LDAH: variants seen among roughly 807,000 people sequenced by gnomAD.
LDAH encodes the protein lipid droplet-associated hydrolase.
Under a neutral mutation model 29.6 loss-of-function variants are expected in LDAH, and 26 were observed. The observed-to-expected ratio is 0.88, with a 90% CI of 0.64 to 1.22. The LOEUF (loss-of-function observed/expected upper bound fraction) is 1.22, where lower values mean the gene tolerates loss of function less well. Among genes scored for constraint, LDAH ranks in the 50% most tolerant of loss-of-function variants. The pLI is 0.00. For synonymous variants in LDAH, 117 were observed against 133.0 expected, an observed-to-expected ratio of 0.88 and a Z score of 0.83; for missense variants, 344 against 387.3, an observed-to-expected ratio of 0.89 and a Z score of 0.94.
intron 4 of LDAH, among the ~76,000 whole-genome samples, chr2:20,753,178 A>C (rs1025676909): frequency 1.3e-5 from 2 of 152,212 alleles, no homozygotes; most frequent in African/African-American, 2.4e-5. Context: ...CTCTGTGACT[A>C]TTATTTCTCT....
chr2:20,751,415 T>C lies in LDAH; in HGVS notation c.469-11210A>G, dbSNP rs117638883. 1.2e-3 allele frequency among the ~76,000 whole-genome samples: 182 copies of C among 152,352 alleles called. No individual in the cohort carries two copies. In the East Asian group the frequency reaches 0.027, roughly 23 times the overall value. On this transcript the variant is annotated intron_variant, in intron 4 of 6. Transcript: ENST00000237822. ...TAAAATATGTGGTTTCAGACTTTTATTGTAAGGTAAAAATGTTTCCTTCCT... is the reference window on the plus strand; with the variant it reads ...TAAAATATGTGGTTTCAGACTTTTACTGTAAGGTAAAAATGTTTCCTTCCT...
chr2:20,799,708 T>C (rs774988438), intron 2 of LDAH, among the ~76,000 whole-genome samples: 3 of 152,314 alleles, frequency 2.0e-5, no homozygotes, highest in African/African-American at 7.2e-5. Context: ...TTAGTATCTA[T>C]CATTATACTC....
At chr2:20,808,913 T>C (rs1558499662) in intron 1 of LDAH, among the ~76,000 whole-genome samples, 1 of 152,170 alleles carries the variant, frequency 6.6e-6, no homozygotes, top group Non-Finnish European at 1.5e-5. Context: ...TGGATATCCA[T>C]GTGGAAAATA....
At chr2:20,819,541 A>G (rs557433647) in intron 1 of LDAH, among the ~76,000 whole-genome samples, 1 of 152,362 alleles carries the variant, frequency 6.6e-6, no homozygotes, top group South Asian at 2.1e-4. Context: ...CAATAGATGC[A>G]GAAAAGGCCT....
At chr2:20,700,155 T>G (rs565686817) in intron 6 of LDAH, among the ~76,000 whole-genome samples, 1 of 152,194 alleles carries the variant, frequency 6.6e-6, no homozygotes, top group African/African-American at 2.4e-5. Context: ...TAAAATACTG[T>G]TTTTCTTGTA....
At chr2:20,802,261 T>C (rs1436395898) in intron 1 of LDAH, among the ~76,000 whole-genome samples, 1 of 152,146 alleles carries the variant, frequency 6.6e-6, no homozygotes, top group African/African-American at 2.4e-5. Context: ...GGTTTTGCCA[T>C]GTTGGCCAGG....
chr2:20,803,675 C>T (rs923119095), intron 1 of LDAH, among the ~76,000 whole-genome samples: 1 of 152,144 alleles, frequency 6.6e-6, no homozygotes, highest in South Asian at 2.1e-4. Context: ...TGATTGTGCA[C>T]CAGCGTTGGC....
intron 4 of LDAH, among the ~76,000 whole-genome samples, chr2:20,760,149 A>G (rs1221858358): frequency 6.6e-6 from 1 of 152,174 alleles, no homozygotes; most frequent in African/African-American, 2.4e-5. Flanking sequence ...AAAAATTGCA[A>G]GGAAGACCAA....
At chr2:20,712,103 T>C (rs1186361096) in intron 5 of LDAH, among the ~76,000 whole-genome samples, 2 of 151,932 alleles carry the variant, frequency 1.3e-5, no homozygotes, top group East Asian at 1.9e-4. Flanking sequence ...CTGACCCCCA[T>C]GTACTGGGAG....
intron 1 of LDAH, among the ~76,000 whole-genome samples, chr2:20,817,706 T>C (rs1003323216): frequency 2.6e-5 from 4 of 152,102 alleles, no homozygotes; most frequent in African/African-American, 9.7e-5. Context: ...CTCAAAAATC[T>C]TCAGACAAAA....
At chr2:20,729,559 G>A (rs1237070335) in intron 5 of LDAH, among the ~76,000 whole-genome samples, 1 of 152,154 alleles carries the variant, frequency 6.6e-6, no homozygotes, top group East Asian at 1.9e-4. Flanking sequence ...ATGTCTCAAG[G>A]ACAAGGAGCT....
intron 4 of LDAH, among the ~76,000 whole-genome samples, chr2:20,741,737 T>C (rs1385893389): frequency 3.9e-5 from 6 of 152,200 alleles, no homozygotes; most frequent in Admixed American, 3.9e-4. Context: ...TGTCTTCCTG[T>C]GTCTGGTTTA....
chr2:20,791,684 C>T (rs900807431), intron 2 of LDAH, among the ~76,000 whole-genome samples: 7 of 152,160 alleles, frequency 4.6e-5, no homozygotes, highest in Admixed American at 2.0e-4. Flanking sequence ...GGCATACCAG[C>T]ACAGGGGCTA....
intron 4 of LDAH, among the ~76,000 whole-genome samples, chr2:20,772,338 AGT>A (rs970597833): frequency 6.6e-5 from 10 of 152,224 alleles, no homozygotes; most frequent in African/African-American, 2.4e-4. Context: ...ATGTTTTTAA[AGT>A]GTTTAAGACA....
At chr2:20,687,754 C>T (rs1305652038) in intron 6 of LDAH, among the ~76,000 whole-genome samples, 2 of 152,212 alleles carry the variant, frequency 1.3e-5, no homozygotes, top group Non-Finnish European at 2.9e-5. Context: ...TCTACCTAAA[C>T]CTGCATGTGA....
At chr2:20,719,719 C>G (rs903262472) in intron 5 of LDAH, among the ~76,000 whole-genome samples, 1 of 151,986 alleles carries the variant, frequency 6.6e-6, no homozygotes, top group African/African-American at 2.4e-5. Flanking sequence ...TGCAAAAATC[C>G]TCAACAAAAT....
intron 1 of LDAH, among the ~76,000 whole-genome samples, chr2:20,805,899 T>C (rs1311377586): frequency 8.8e-6 from 1 of 113,180 alleles, no homozygotes; most frequent in Admixed American, 8.0e-5. Flanking sequence ...TCTATGTAAA[T>C]ATAATATTTA....
rs145244032 is a variant in LDAH at position 20,765,507 on chromosome 2, A to G, written c.468+9303T>C. Among the ~76,000 whole-genome samples, 866 of 152,324 alleles carry G rather than the reference A, an allele frequency of 5.7e-3. 11 individuals carry two copies. Among genetic ancestry groups the G allele is most frequent in the African/African-American group, 0.02 (822 of 41,582 alleles). ...TAAATTATCTACTGCTATATAACAT[A>G]GCATCTCTAGACTTATGGTTTAAAA... On this transcript the variant is annotated intron_variant, in intron 4 of 6. Transcript: ENST00000237822.
At chr2:20,784,006 C>A (rs1670382034) in intron 3 of LDAH, among the ~76,000 whole-genome samples, 2 of 152,210 alleles carry the variant, frequency 1.3e-5, no homozygotes, top group African/African-American at 4.8e-5. Context: ...TATAACTGTG[C>A]CTGGTCCTAA....
Sources: gnomAD v4.1 joint callset for allele counts (sites outside exome capture counted in the v4.1 genomes callset) on GRCh38, gnomAD v4.1.1 for gene constraint, MANE v1.5 for transcripts, NCBI Gene and HGNC (gene_info 2026-07-23, HGNC 2026-07-21) for gene names.